UNC93A: variants seen among roughly 807,000 people sequenced by gnomAD.
The protein encoded by UNC93A is N-acetylglucosamine transporter UNC93A.
A neutral mutation model predicts 47.5 loss-of-function variants in UNC93A; 43 were observed. The observed-to-expected ratio is 0.91, with a 90% CI of 0.71 to 1.17. UNC93A has a LOEUF of 1.17. UNC93A is among the 50% of genes most tolerant of loss of function. The pLI is 0.00. For synonymous variants in UNC93A, 280 were observed against 258.0 expected, an observed-to-expected ratio of 1.09 and a Z score of -0.82; for missense variants, 605 against 577.6, an observed-to-expected ratio of 1.05 and a Z score of -0.49.
At chr6:167,297,468 T>C (rs1285194038) in intron 3 of UNC93A, among the ~76,000 whole-genome samples, 1 of 152,216 alleles carries the variant, frequency 6.6e-6, no homozygotes, top group Admixed American at 6.5e-5. Flanking sequence ...AAATTGTATT[T>C]TTCTAAGAGA....
intron 1 of UNC93A, among the ~76,000 whole-genome samples, chr6:167,294,157 G>T (rs1273632972): frequency 6.6e-6 from 1 of 152,158 alleles, no homozygotes; most frequent in African/African-American, 2.4e-5. Flanking sequence ...GCTCCTCACA[G>T]ATGAGTTCTG....
In UNC93A at chr6:167,304,086, C is replaced by T. The variant is rs1336433180; in HGVS notation, c.793C>T (p.Leu265=). Residue 265 remains leucine, a synonymous_variant, in exon 5 of 8, where the codon CTG becomes TTG. Transcript: ENST00000230256. Reference sequence around the variant, plus strand: ...TCTGTGCCTCTTAATTCTGCTGCCGCTGTACAGTGGATTGCAGCAAGGATT... The same window carrying T: ...TCTGTGCCTCTTAATTCTGCTGCCGTTGTACAGTGGATTGCAGCAAGGATT... ...KRLCLLILLP[L]YSGLQQGFLS... is the part of the protein sequence containing the mutation. 5 of 1,614,156 alleles carry T rather than the reference C, an allele frequency of 3.1e-6. No homozygotes were observed. The highest frequency in any genetic ancestry group is 4.2e-6 in the Non-Finnish European group (5 of 1,180,036).
At chr6:167,299,905 C>T (rs1183051691) in intron 4 of UNC93A, among the ~76,000 whole-genome samples, 1 of 152,138 alleles carries the variant, frequency 6.6e-6, no homozygotes, top group Non-Finnish European at 1.5e-5. Context: ...CTTGACAGAC[C>T]CCATGCCAGC....
intron 1 of UNC93A, among the ~76,000 whole-genome samples, chr6:167,279,438 TA>T (rs549324314): frequency 3.6e-4 from 55 of 152,364 alleles, no homozygotes; most frequent in Admixed American, 1.1e-3. Context: ...AGTTCCCTCC[TA>T]TCGTATGTGT....
chr6:167,309,520 T>G (rs896452515), intron 7 of UNC93A, among the ~76,000 whole-genome samples: 2 of 152,122 alleles, frequency 1.3e-5, no homozygotes, highest in African/African-American at 4.8e-5. Context: ...ATGGCTCACA[T>G]GAGACCCTCT....
chr6:167,300,878 A>T (rs1778223710), intron 4 of UNC93A, among the ~76,000 whole-genome samples: 1 of 152,222 alleles, frequency 6.6e-6, no homozygotes, highest in South Asian at 2.1e-4. Context: ...CTATAAAAGA[A>T]CAGAATTTTG....
intron 1 of UNC93A, among the ~76,000 whole-genome samples, chr6:167,278,671 T>C (rs371244940): frequency 1.6e-4 from 24 of 152,210 alleles, no homozygotes; most frequent in African/African-American, 5.1e-4. Context: ...GCTGCAAGTC[T>C]CTAGATTGAT....
chr6:167,273,317 C>A (rs1249183322), intron 1 of UNC93A, among the ~76,000 whole-genome samples: 4 of 152,078 alleles, frequency 2.6e-5, no homozygotes, highest in Non-Finnish European at 5.9e-5. Flanking sequence ...CAGGTGAAGC[C>A]CACCCTGAGC....
At chr6:167,282,186 C>T (rs1036003121) in intron 1 of UNC93A, among the ~76,000 whole-genome samples, 2 of 152,118 alleles carry the variant, frequency 1.3e-5, no homozygotes, top group Non-Finnish European at 2.9e-5. Context: ...TGGGGGATGC[C>T]TCAGTCCATC....
intron 4 of UNC93A, 94 bp downstream of exon 4, chr6:167,298,164 G>A: frequency 6.6e-7 from 1 of 1,508,006 alleles, no homozygotes. Flanking sequence ...CAATGTAAAA[G>A]TAATCTCTCT....
chr6:167,282,185 C>G (rs766121085), intron 1 of UNC93A, among the ~76,000 whole-genome samples: 3 of 152,098 alleles, frequency 2.0e-5, no homozygotes, highest in African/African-American at 4.8e-5. Context: ...CTGGGGGATG[C>G]CTCAGTCCAT....
At chr6:167,292,740 G>A (rs1195177656) in intron 1 of UNC93A, among the ~76,000 whole-genome samples, 1 of 152,174 alleles carries the variant, frequency 6.6e-6, no homozygotes, top group Non-Finnish European at 1.5e-5. Flanking sequence ...TGCCTGTTGG[G>A]TTGAGGTGAG....
At chr6:167,270,410 A>T (rs992496965), upstream of UNC93A, among the ~76,000 whole-genome samples, 7 of 152,016 alleles carry the variant, frequency 4.6e-5, no homozygotes, top group African/African-American at 1.7e-4. Flanking sequence ...CCCAGAGGTG[A>T]ACAAGATGAG....
At chr6:167,279,460 C>T (rs907704297) in intron 1 of UNC93A, among the ~76,000 whole-genome samples, 5 of 152,196 alleles carry the variant, frequency 3.3e-5, no homozygotes, top group Admixed American at 3.3e-4. Context: ...AAAATAAAAT[C>T]TTTAACACTT....
intron 4 of UNC93A, among the ~76,000 whole-genome samples, chr6:167,299,612 G>A (rs1477349538): frequency 2.0e-5 from 3 of 152,216 alleles, no homozygotes; most frequent in African/African-American, 7.2e-5. Flanking sequence ...ACCGAGACCA[G>A]TCCGACAGTG....
chr6:167,315,216 A>G lies in UNC93A; in HGVS notation c.1138A>G (p.Lys380Glu), dbSNP rs1294124189. The G allele has an allele frequency of 6.2e-7, 1 of 1,613,618 alleles. No homozygotes were observed. The highest frequency in any genetic ancestry group is 1.7e-5 in the Admixed American group (1 of 59,992). Reference protein sequence around the residue: ...ALYGVLFEKSKEAAFANYRLW... With the variant: ...ALYGVLFEKSEEAAFANYRLW... ...CTACGGCGTTCTGTTTGAGAAGAGC[A>G]AGGAAGCTGCCTTCGCCAATTACCG... The change falls in exon 8 of 8, where the codon AAG (lysine) becomes GAG (glutamate). Residue 380 changes from lysine (K) to glutamate (E), a missense_variant. Physicochemically the swap from Lys to Glu is moderately conservative, Grantham distance 56 (BLOSUM62 1). Transcript: ENST00000230256.
upstream of UNC93A, among the ~76,000 whole-genome samples, chr6:167,290,580 C>T (rs968319421): frequency 6.6e-6 from 1 of 152,198 alleles, no homozygotes; most frequent in African/African-American, 2.4e-5. Context: ...CCGTCTAATA[C>T]AGTTGTCTCT....
upstream of UNC93A, among the ~76,000 whole-genome samples, chr6:167,270,426 T>C (rs431415): frequency 0.5 from 76,032 of 151,710 alleles, 19,046 homozygotes; most frequent in East Asian, 0.53. Flanking sequence ...ATGAGTGCTG[T>C]TGTCAGGGAG....
intron 6 of UNC93A, among the ~76,000 whole-genome samples, chr6:167,306,901 A>G (rs1409403828): frequency 2.0e-5 from 3 of 152,104 alleles, no homozygotes; most frequent in African/African-American, 7.2e-5. Flanking sequence ...TCATTACTGC[A>G]TCCTAGAGAT....
Sources: gnomAD v4.1 joint callset for allele counts (sites outside exome capture counted in the v4.1 genomes callset) on GRCh38, gnomAD v4.1.1 for gene constraint, MANE v1.5 for transcripts, NCBI Gene and HGNC (gene_info 2026-07-23, HGNC 2026-07-21) for gene names.